The following DIS3L2 variants were observed in gnomAD, a reference collection of about 807,000 sequenced individuals.
The protein encoded by DIS3L2 is DIS3 like 3'-5' exoribonuclease 2.
A neutral mutation model predicts 97.5 loss-of-function variants in DIS3L2; 34 were observed. That is an observed-to-expected ratio of 0.35 (90% CI 0.27 to 0.46). The LOEUF is 0.46. Ranked by LOEUF, DIS3L2 falls within the 20% of genes least tolerant of loss-of-function variation. The pLI is 1.00. For missense variants in DIS3L2, 1,038 were observed against 1,146.0 expected (o/e 0.91, Z 1.36); for synonymous variants, 435 against 445.2 (o/e 0.98, Z 0.29).
intron 5 of DIS3L2, among the ~76,000 whole-genome samples, chr2:232,078,565 A>C (rs1696286253): frequency 6.6e-6 from 1 of 152,200 alleles, no homozygotes; most frequent in South Asian, 2.1e-4. Flanking sequence ...TCTAACCCAC[A>C]TACCCTTGTG....
At position 232,246,756 on chromosome 2, in the gene DIS3L2, CA is replaced by C. The variant is rs1300918226; in HGVS notation, c.1318-2480del. On this transcript the variant is annotated intron_variant, in intron 11 of 20. Transcript: ENST00000325385. ...TTTTTAAGTGGTGAGGCCCTTTTTG[CA>C]AATAATATCTGAACCCCAAATTCCA... Among the ~76,000 whole-genome samples, 3 of 152,128 alleles carry C rather than the reference CA, an allele frequency of 2.0e-5. No individual in the cohort carries two copies. The East Asian group carries it at 5.8e-4, about 29-fold the overall frequency.
At chr2:232,342,361 C>A (rs1696130292) in intron 13 of DIS3L2, among the ~76,000 whole-genome samples, 5 of 151,598 alleles carry the variant, frequency 3.3e-5, no homozygotes. Flanking sequence ...TATTTAGCAA[C>A]AGTGGTAAAT....
In DIS3L2 at chr2:232,136,173, T is replaced by C. The variant is rs115555819; in HGVS notation, c.703-299T>C. ...ATAATGTGAAACAAATACCTGGAGC[T>C]GTACTTCCCTGCTGGAGTCCCACAT... is the stretch of plus-strand genomic sequence containing the variant. On this transcript the variant is annotated intron_variant, in intron 7 of 20. Coordinates refer to ENST00000325385, the MANE Select transcript of DIS3L2 (RefSeq NM_152383.5). 5.5e-3 allele frequency among the ~76,000 whole-genome samples: 833 copies of C among 152,340 alleles called. 3 individuals are homozygous for C. Among genetic ancestry groups the C allele is most frequent in the African/African-American group, 9.6e-3 (400 of 41,578 alleles).
At chr2:232,052,048 G>C (rs572934324) in intron 5 of DIS3L2, among the ~76,000 whole-genome samples, 28 of 150,506 alleles carry the variant, frequency 1.9e-4, no homozygotes, top group African/African-American at 5.8e-4. Context: ...TTTTGAGATG[G>C]AGTTTCCTTC....
chr2:232,330,021 G>C, intron 15 of DIS3L2, 25 bp downstream of exon 15: 1 of 1,587,590 alleles, frequency 6.3e-7, no homozygotes, highest in South Asian at 1.1e-5. Flanking sequence ...GGATTCGGGG[G>C]AGGCCCTGCT....
At chr2:232,311,166 C>T (rs150405942) in intron 14 of DIS3L2, among the ~76,000 whole-genome samples, 4 of 152,288 alleles carry the variant, frequency 2.6e-5, no homozygotes, top group African/African-American at 9.6e-5. Flanking sequence ...ATGGGGGAGC[C>T]GCAAAAATCG....
chr2:232,000,043 A>G (rs1163746302), intron 1 of DIS3L2, among the ~76,000 whole-genome samples: 1 of 152,128 alleles, frequency 6.6e-6, no homozygotes, highest in African/African-American at 2.4e-5. Flanking sequence ...ACAGCTACCA[A>G]AAAATGTGGA....
chr2:232,119,098 G>T (rs1330039240), intron 6 of DIS3L2, among the ~76,000 whole-genome samples: 3 of 152,058 alleles, frequency 2.0e-5, no homozygotes, highest in Non-Finnish European at 4.4e-5. Flanking sequence ...TATCATTATT[G>T]CTGCTGGAGA....
chr2:232,227,661 A>T (rs757155475), intron 10 of DIS3L2, among the ~76,000 whole-genome samples: 14 of 152,210 alleles, frequency 9.2e-5, no homozygotes, highest in Non-Finnish European at 1.8e-4. Flanking sequence ...CTAATTGGGC[A>T]TGGTGAGAAA....
chr2:232,048,685 C>T (rs754775022), intron 5 of DIS3L2, among the ~76,000 whole-genome samples: 51 of 151,502 alleles, frequency 3.4e-4, no homozygotes, highest in Non-Finnish European at 5.3e-4. Context: ...TGAGCCCAGA[C>T]GCGCCACTGC....
At chr2:232,095,674 A>AT (rs1288159572) in intron 6 of DIS3L2, among the ~76,000 whole-genome samples, 3 of 152,026 alleles carry the variant, frequency 2.0e-5, no homozygotes, top group Non-Finnish European at 4.4e-5. Context: ...CCTTCAGATG[A>AT]TTTTTTATTG....
At chr2:232,299,852 ACAGT>A (rs1214310435) in intron 13 of DIS3L2, among the ~76,000 whole-genome samples, 184 bp from the exon 14 acceptor site, 1 of 152,234 alleles carries the variant, frequency 6.6e-6, no homozygotes, top group Non-Finnish European at 1.5e-5. Flanking sequence ...AGTCTTGCTG[ACAGT>A]CATCATTGAT....
intron 14 of DIS3L2, among the ~76,000 whole-genome samples, chr2:232,326,858 T>A (rs945518544): frequency 6.6e-6 from 1 of 152,046 alleles, no homozygotes; most frequent in Non-Finnish European, 1.5e-5. Context: ...ACGTTCAAGG[T>A]CACCAAGAGT....
intron 5 of DIS3L2, among the ~76,000 whole-genome samples, chr2:232,078,035 CTCTTTCT>C (rs199819441): frequency 1.1e-5 from 1 of 91,220 alleles, no homozygotes; most frequent in East Asian, 3.4e-4. Flanking sequence ...CTTTCTCTTT[CTCTTTCT>C]TTTTTTTTTT....
chr2:232,343,940 A>C, exon 14 of DIS3L2: 1 of 192,796 alleles, frequency 5.2e-6, no homozygotes. Flanking sequence ...AGAGGAAATA[A>C]TACTAAGTCA....
intron 12 of DIS3L2, among the ~76,000 whole-genome samples, chr2:232,262,445 A>T (rs1693736226): frequency 6.6e-6 from 1 of 152,196 alleles, no homozygotes; most frequent in African/African-American, 2.4e-5. Flanking sequence ...AAACTTGGGT[A>T]TATCTCCTTC....
intron 9 of DIS3L2, among the ~76,000 whole-genome samples, chr2:232,173,043 T>C (rs1691038096): frequency 6.6e-6 from 1 of 152,208 alleles, no homozygotes; most frequent in African/African-American, 2.4e-5. Context: ...ATTTATCAGA[T>C]ATATGATTTG....
intron 10 of DIS3L2, among the ~76,000 whole-genome samples, chr2:232,224,204 C>A (rs1692579564): frequency 6.6e-6 from 1 of 152,196 alleles, no homozygotes; most frequent in Non-Finnish European, 1.5e-5. Flanking sequence ...CATATATATA[C>A]AACCACATGG....
chr2:232,068,014 G>A (rs1001218042), intron 5 of DIS3L2, among the ~76,000 whole-genome samples: 21 of 152,110 alleles, frequency 1.4e-4, no homozygotes, highest in African/African-American at 4.8e-4. Flanking sequence ...GGGAGAGAAG[G>A]ATTATCCAAG....
Sources: allele counts gnomAD v4.1 joint callset (sites outside exome capture counted in the v4.1 genomes callset), GRCh38; gene constraint gnomAD v4.1.1; transcripts MANE v1.5; gene names NCBI Gene and HGNC (gene_info 2026-07-23, HGNC 2026-07-21).